Variants in CNOT6L observed in about 807,000 individuals in gnomAD.
CNOT6L encodes CCR4-NOT transcription complex subunit 6 like, also known as CCR4-NOT transcription complex subunit 6-like.
A neutral mutation model predicts 64.0 loss-of-function variants in CNOT6L; 7 were observed. That is an observed-to-expected ratio of 0.11 (90% CI 0.06 to 0.21). The LOEUF (loss-of-function observed/expected upper bound fraction) is 0.21, where lower values mean the gene tolerates loss of function less well. Among genes scored for constraint, CNOT6L ranks in the 10% least tolerant of loss-of-function variants. The probability of loss-of-function intolerance (pLI) is 1.00; values close to 1 mark genes in which losing one functional copy is unlikely to be tolerated. For missense variants in CNOT6L, 245 were observed against 669.0 expected (o/e 0.37, Z 6.99); for synonymous variants, 193 against 243.4 (o/e 0.79, Z 1.93).
chr4:77,752,663 C>T (rs575364163), intron 5 of CNOT6L, among the ~76,000 whole-genome samples: 1 of 151,850 alleles, frequency 6.6e-6, no homozygotes, highest in South Asian at 2.1e-4. Context: ...ATATGCTGAA[C>T]TGAATGATAA....
chr4:77,721,761 A>C (rs1157148747), intron 11 of CNOT6L, among the ~76,000 whole-genome samples: 1 of 152,118 alleles, frequency 6.6e-6, no homozygotes, highest in Non-Finnish European at 1.5e-5. Flanking sequence ...GCTTAAGTCC[A>C]GGAGTTCAAG....
chr4:77,758,062 C>G (rs190976271), intron 4 of CNOT6L, among the ~76,000 whole-genome samples: 54 of 152,246 alleles, frequency 3.5e-4, no homozygotes, highest in Admixed American at 9.2e-4. Flanking sequence ...TTGAACTCTT[C>G]TACTTCAATT....
Position 77,724,237 on chromosome 4 carries a change from CT to C in CNOT6L, c.1455+1929del, listed in dbSNP as rs1458462843. 7.3e-5 allele frequency among the ~76,000 whole-genome samples: 11 copies of C among 151,456 alleles called. No individual in the cohort carries two copies. The South Asian group carries it at 8.4e-4, about 12-fold the overall frequency. On this transcript the variant is annotated intron_variant, in intron 11 of 11. Coordinates refer to ENST00000504123, the MANE Select transcript of CNOT6L (RefSeq NM_144571.3). ...TGGTGGCACACACCTGTAGTCCCAG[CT>C]ACTCAACAGGCTGAGGTGGGAGGAT...
intron 7 of CNOT6L, 95 bp downstream of exon 7, chr4:77,744,623 G>T: frequency 9.9e-7 from 1 of 1,009,732 alleles, no homozygotes; most frequent in Non-Finnish European, 1.4e-6. Flanking sequence ...TTTGAGCTTT[G>T]GCTCTAAACA....
intron 5 of CNOT6L, among the ~76,000 whole-genome samples, chr4:77,753,522 T>A (rs909946260): frequency 6.6e-6 from 1 of 151,884 alleles, no homozygotes; most frequent in Admixed American, 6.6e-5. Flanking sequence ...AACATAAAAA[T>A]TAGCTAGGCG....
chr4:77,726,503 TTTG>T (rs1721865771), intron 10 of CNOT6L, 134 bp from the exon 11 acceptor site: 5 of 570,394 alleles, frequency 8.8e-6, no homozygotes, highest in Admixed American at 3.4e-5. Context: ...AAAACTGCCT[TTTG>T]TTGTTGTTTA....
In CNOT6L at chr4:77,719,017, A is replaced by G. The variant is rs1464755975; in HGVS notation, c.*1414T>C. The G allele has an allele frequency of 6.6e-6, 1 of 152,554 alleles. No individual in the cohort carries two copies. The highest frequency in any genetic ancestry group is 1.9e-4 in the East Asian group (1 of 5,194). The allele number at this position is 152,554 out of a possible 1,614,324, so 9.5% of individuals were successfully genotyped here. On this transcript the variant is annotated 3_prime_UTR_variant, in exon 12 of 12. Transcript: ENST00000504123. ...AAGTGCATGAAAAGTTTAAAATATA[A>G]ATTTCAGAAAACTCTTATAGCAGCA...
intron 1 of CNOT6L, among the ~76,000 whole-genome samples, chr4:77,815,211 C>T (rs539489345): frequency 3.5e-4 from 53 of 152,236 alleles, no homozygotes; most frequent in African/African-American, 1.2e-3. Context: ...AGAGTTTTGT[C>T]CTACTGATCT....
intron 10 of CNOT6L, among the ~76,000 whole-genome samples, chr4:77,727,025 A>C (rs185107802): frequency 1.8e-4 from 27 of 152,282 alleles, no homozygotes; most frequent in Admixed American, 1.7e-3. Context: ...GCAAACATGA[A>C]AACAGTATCA....
In CNOT6L at chr4:77,774,660, G is replaced by A; in HGVS notation, c.184C>T (p.His62Tyr). ...CGACTAAGGTAATTGTCATTTAGGTGCAGCGCTGTCAAGTGTGTCAATGAC... is the reference window on the plus strand; with the variant it reads ...CGACTAAGGTAATTGTCATTTAGGTACAGCGCTGTCAAGTGTGTCAATGAC... ...LWSLTHLTAL[H>Y]LNDNYLSRIP... Residue 62 changes from histidine to tyrosine, a missense_variant, in exon 3 of 12, where the codon CAC (histidine) becomes TAC (tyrosine). Physicochemically the swap from His to Tyr is moderately conservative, Grantham distance 83. Transcript: ENST00000504123. 1.2e-6 allele frequency: 2 copies of A among 1,613,290 alleles called. No individual in the cohort carries two copies. Among genetic ancestry groups the A allele is most frequent in the Non-Finnish European group, 1.7e-6 (2 of 1,179,538 alleles).
intron 1 of CNOT6L, among the ~76,000 whole-genome samples, chr4:77,791,173 G>A (rs1398249584): frequency 1.3e-5 from 2 of 152,030 alleles, no homozygotes; most frequent in Non-Finnish European, 2.9e-5. Flanking sequence ...AGCTACTCGG[G>A]AAGCTGAGGC....
intron 1 of CNOT6L, among the ~76,000 whole-genome samples, chr4:77,816,338 A>T (rs1733574708): frequency 6.6e-6 from 1 of 152,214 alleles, no homozygotes; most frequent in African/African-American, 2.4e-5. Context: ...AATACTAAAT[A>T]AGAGCAGATT....
At chr4:77,782,751 A>C (rs1243174704) in intron 1 of CNOT6L, among the ~76,000 whole-genome samples, 1 of 151,750 alleles carries the variant, frequency 6.6e-6, no homozygotes, top group Non-Finnish European at 1.5e-5. Context: ...AGTAGCTAGG[A>C]CTACAGGTGT....
At chr4:77,772,185 TA>T (rs1363088596) in intron 4 of CNOT6L, among the ~76,000 whole-genome samples, 1 of 152,242 alleles carries the variant, frequency 6.6e-6, no homozygotes, top group African/African-American at 2.4e-5. Context: ...TGTCAAAAGC[TA>T]AACATGAGGC....
chr4:77,764,624 A>G (rs1335110262), intron 4 of CNOT6L, among the ~76,000 whole-genome samples: 1 of 152,212 alleles, frequency 6.6e-6, no homozygotes, highest in East Asian at 1.9e-4. Context: ...CCATGGAAGC[A>G]GTAATACTGA....
At chr4:77,811,404 A>G (rs549963541) in intron 1 of CNOT6L, among the ~76,000 whole-genome samples, 1 of 152,198 alleles carries the variant, frequency 6.6e-6, no homozygotes, top group African/African-American at 2.4e-5. Context: ...CGTCTCTACT[A>G]AAAGTACAAA....
chr4:77,752,359 T>C (rs1315243387), intron 5 of CNOT6L, among the ~76,000 whole-genome samples: 1 of 152,160 alleles, frequency 6.6e-6, no homozygotes, highest in Admixed American at 6.5e-5. Flanking sequence ...AAAGTAATCA[T>C]TAAGTACATC....
At chr4:77,744,114 T>G (rs977444790) in intron 7 of CNOT6L, among the ~76,000 whole-genome samples, 1 of 152,184 alleles carries the variant, frequency 6.6e-6, no homozygotes, top group African/African-American at 2.4e-5. Flanking sequence ...AAAAAGTTAC[T>G]AAAAACTATT....
chr4:77,773,458 T>C (rs1366631556), intron 3 of CNOT6L, among the ~76,000 whole-genome samples: 1 of 152,164 alleles, frequency 6.6e-6, no homozygotes, highest in Non-Finnish European at 1.5e-5. Flanking sequence ...CCCCCTTTTT[T>C]CTCACCCAAA....
Sources: gnomAD v4.1 joint callset for allele counts (sites outside exome capture counted in the v4.1 genomes callset) on GRCh38, gnomAD v4.1.1 for gene constraint, MANE v1.5 for transcripts, NCBI Gene and HGNC (gene_info 2026-07-23, HGNC 2026-07-21) for gene names.